The following PRXL2A variants were observed in gnomAD, a reference collection of about 807,000 sequenced individuals.
PRXL2A encodes peroxiredoxin-like 2A.
Under a neutral mutation model 25.6 loss-of-function variants are expected in PRXL2A, and 26 were observed. The ratio of observed to expected loss-of-function variants is 1.02; its 90% CI spans 0.74 to 1.41. PRXL2A has a LOEUF of 1.41. PRXL2A is among the 40% of genes most tolerant of loss of function. The pLI, the probability that PRXL2A is intolerant of heterozygous loss-of-function variation, is 0.00. For missense variants in PRXL2A, 246 were observed against 273.9 expected (o/e 0.90, Z 0.72); for synonymous variants, 98 against 102.9 (o/e 0.95, Z 0.29).
At chr10:80,426,654 C>A (rs1589213289) in intron 4 of PRXL2A, among the ~76,000 whole-genome samples, 1 of 152,346 alleles carries the variant, frequency 6.6e-6, no homozygotes, top group East Asian at 1.9e-4. Context: ...GCCCCACACC[C>A]TGTCCCTTAA....
chr10:80,425,044 A>C (rs1844998080), intron 3 of PRXL2A, among the ~76,000 whole-genome samples: 1 of 152,230 alleles, frequency 6.6e-6, no homozygotes, highest in African/African-American at 2.4e-5. Flanking sequence ...ATAAATGAAA[A>C]ATTAAATGTA....
intron 1 of PRXL2A, among the ~76,000 whole-genome samples, chr10:80,418,997 T>C (rs547248359): frequency 6.6e-6 from 1 of 152,014 alleles, no homozygotes; most frequent in South Asian, 2.1e-4. Flanking sequence ...TTTTCTTTCT[T>C]TTTTTTTGAG....
chr10:80,413,140 C>T (rs1021891796), intron 1 of PRXL2A, among the ~76,000 whole-genome samples: 3 of 151,324 alleles, frequency 2.0e-5, no homozygotes, highest in South Asian at 2.1e-4. Flanking sequence ...ACTGTCCCCC[C>T]TCCCTGCCCC....
chr10:80,426,912 G>A (rs1279976074), intron 4 of PRXL2A, among the ~76,000 whole-genome samples: 1 of 152,130 alleles, frequency 6.6e-6, no homozygotes, highest in Non-Finnish European at 1.5e-5. Flanking sequence ...GGGAGGCCGA[G>A]GTGGGCAGAT....
intron 1 of PRXL2A, chr10:80,419,933 T>C (rs3802638): frequency 0.73 from 713,940 of 979,534 alleles, 262,607 homozygotes; most frequent in East Asian, 0.97. Context: ...GTCCCTGTTT[T>C]TGGAGGGTCG....
In PRXL2A at chr10:80,432,072, A is replaced by T; in HGVS notation, c.663A>T (p.Pro221=). The T allele has an allele frequency of 1.9e-6, 3 of 1,608,972 alleles. No homozygotes were observed. The highest frequency in any genetic ancestry group is 2.5e-6 in the Non-Finnish European group (3 of 1,178,606). ...TGGAAGCTGCTAAGATGATCAAACC[A>T]CAGACTTTGGCCTCAGAGAAAAAAT... ...SVLEAAKMIK[P]QTLASEKK Residue 221 remains proline (P), a synonymous_variant, in exon 6 of 6, where the codon CCA becomes CCT. Transcript: ENST00000606162.
At chr10:80,430,089 CTTTTTTT>C (rs753076825) in intron 5 of PRXL2A, among the ~76,000 whole-genome samples, 4 of 66,514 alleles carry the variant, frequency 6.0e-5, no homozygotes, top group Admixed American at 2.0e-4. Context: ...TGGGGATTTC[CTTTTTTT>C]TTTTTTTTTT....
In PRXL2A at chr10:80,416,674, G is replaced by A. The variant is rs1038783337; in HGVS notation, c.-2-3792G>A. On this transcript the variant is annotated intron_variant, in intron 1 of 5. Transcript: ENST00000606162. ...GGGCCCAGCTCTCCAAGCCCAGACC[G>A]CCCTCGTGACTTTACTTTATTCTGG... Among the ~76,000 whole-genome samples the A allele has an allele frequency of 3.9e-5, 6 of 152,288 alleles. 1 individual carries two copies. The highest frequency in any genetic ancestry group is 2.6e-4 in the Admixed American group (4 of 15,294).
upstream of PRXL2A, chr10:80,408,448 G>C (rs1305957902): frequency 1.3e-5 from 2 of 152,420 alleles, no homozygotes; most frequent in African/African-American, 2.4e-5. Context: ...TCGGCGAGTC[G>C]GGGGCAGGCC....
rs1370131123 is a variant in PRXL2A at position 80,435,268 on chromosome 10, G to A, written c.*3169G>A. 1 of 152,182 alleles carries A rather than the reference G, an allele frequency of 6.6e-6. No homozygotes were observed. The allele number at this position is 152,182 out of a possible 1,614,324, so 9.4% of individuals were successfully genotyped here. On this transcript the variant is annotated 3_prime_UTR_variant, in exon 6 of 6. Coordinates refer to ENST00000606162, the MANE Select transcript of PRXL2A (RefSeq NM_032333.5). ...GATCAGGCATTGGCTGAAACAAATG[G>A]TAAATTCTTTTGGCAGCCTTGAGCT...
chr10:80,415,224 T>A (rs951883594), intron 1 of PRXL2A, among the ~76,000 whole-genome samples: 7 of 152,246 alleles, frequency 4.6e-5, no homozygotes, highest in African/African-American at 1.7e-4. Flanking sequence ...GGTGCTGCAG[T>A]GCCTGAGGAT....
chr10:80,412,734 G>A (rs1190770974), intron 1 of PRXL2A, among the ~76,000 whole-genome samples: 1 of 152,086 alleles, frequency 6.6e-6, no homozygotes, highest in East Asian at 1.9e-4. Flanking sequence ...GGTTGGCCTG[G>A]GTCAGAGGGG....
At chr10:80,418,022 T>G (rs1354871896) in intron 1 of PRXL2A, among the ~76,000 whole-genome samples, 3 of 151,888 alleles carry the variant, frequency 2.0e-5, no homozygotes, top group African/African-American at 4.8e-5. Context: ...TTCTCTCTTA[T>G]TCCTTTTTTT....
Position 80,427,342 on chromosome 10 carries a change from A to G in PRXL2A, c.422A>G (p.Tyr141Cys). 3.1e-6 allele frequency: 5 copies of G among 1,613,928 alleles called. No individual in the cohort carries two copies. Among genetic ancestry groups the G allele is most frequent in the African/African-American group, 1.3e-5 (1 of 75,000 alleles). ...TTTCTCACTCCATAGAAAAAGTTCTATGGTCCACAAAGGCGGAAGATGATG... is the reference window on the plus strand; with the variant it reads ...TTTCTCACTCCATAGAAAAAGTTCTGTGGTCCACAAAGGCGGAAGATGATG... Reference protein sequence around the residue: ...EIFLDEKKKFYGPQRRKMMFM... With the variant: ...EIFLDEKKKFCGPQRRKMMFM... Residue 141 changes from tyrosine (Y) to cysteine (C), a missense_variant, in exon 5 of 6, where the codon TAT (tyrosine) becomes TGT (cysteine). Transcript: ENST00000606162.
intron 1 of PRXL2A, among the ~76,000 whole-genome samples, chr10:80,409,795 C>T (rs1364236892): frequency 6.6e-6 from 1 of 152,142 alleles, no homozygotes; most frequent in Non-Finnish European, 1.5e-5. Context: ...TTGTAAGGTA[C>T]CTCACAAGGC....
intron 1 of PRXL2A, chr10:80,413,815 G>C (rs778783551): frequency 9.0e-7 from 1 of 1,111,218 alleles, no homozygotes; most frequent in Non-Finnish European, 1.1e-6. Context: ...GCCCAGGCCC[G>C]TCTGCTCACC....
chr10:80,421,752 AT>A, intron 2 of PRXL2A, among the ~76,000 whole-genome samples: 1 of 152,006 alleles, frequency 6.6e-6, no homozygotes, highest in Non-Finnish European at 1.5e-5. Context: ...CCAACTCTAT[AT>A]TACCAGACAT....
rs141786750 is a variant in PRXL2A, at chr10:80,411,857, G to A, written c.-3+3214G>A. 2.2e-4 allele frequency among the ~76,000 whole-genome samples: 34 copies of A among 152,238 alleles called. No homozygotes were observed. In the East Asian group the frequency reaches 4.4e-3, roughly 20 times the overall value. On this transcript the variant is annotated intron_variant, in intron 1 of 5. Coordinates refer to ENST00000606162, the MANE Select transcript of PRXL2A (RefSeq NM_032333.5). Reference sequence around the variant, plus strand: ...AGGCCAGCTCATTCTGAAGAGGGACGATTCCCTGGGTGGGGCTGGGCTGGG... The same window carrying A: ...AGGCCAGCTCATTCTGAAGAGGGACAATTCCCTGGGTGGGGCTGGGCTGGG...
intron 1 of PRXL2A, chr10:80,413,968 G>C: frequency 1.3e-6 from 1 of 764,860 alleles, no homozygotes; most frequent in Non-Finnish European, 1.7e-6. Flanking sequence ...AAAGAGACAG[G>C]GTCTCGAAGC....
Sources: gnomAD v4.1 joint callset for allele counts (sites outside exome capture counted in the v4.1 genomes callset) on GRCh38, gnomAD v4.1.1 for gene constraint, MANE v1.5 for transcripts, NCBI Gene and HGNC (gene_info 2026-07-23, HGNC 2026-07-21) for gene names.